Variants in CKLF observed in about 807,000 individuals in gnomAD.
CKLF encodes chemokine like factor.
In CKLF, 16 loss-of-function variants were observed where a neutral mutation model predicts 12.9. The ratio of observed to expected loss-of-function variants is 1.24; its 90% CI spans 0.84 to 1.88. CKLF has a LOEUF of 1.88. Ranked by LOEUF, CKLF falls within the 40% of genes most tolerant of loss-of-function variation. The probability of loss-of-function intolerance (pLI) is 0.00; values close to 1 mark genes in which losing one functional copy is unlikely to be tolerated. For synonymous variants in CKLF, 61 were observed against 69.0 expected (o/e 0.88, Z 0.57); for missense variants, 172 against 188.5 (o/e 0.91, Z 0.51).
chr16:66,555,006 C>T (rs1163665623), intron 1 of CKLF, among the ~76,000 whole-genome samples: 3 of 152,300 alleles, frequency 2.0e-5, no homozygotes, highest in South Asian at 2.1e-4. Context: ...GAGGCCAAGG[C>T]AGGCAGATCA....
chr16:66,564,079 C>A (rs1201785222), intron 3 of CKLF, among the ~76,000 whole-genome samples: 1 of 152,180 alleles, frequency 6.6e-6, no homozygotes. Context: ...GTATCAATTT[C>A]CCCCAGTTGT....
At chr16:66,558,795 C>T (rs1310398815) in intron 2 of CKLF, among the ~76,000 whole-genome samples, 1 of 152,080 alleles carries the variant, frequency 6.6e-6, no homozygotes, top group East Asian at 1.9e-4. Flanking sequence ...ATTGGGGAGG[C>T]TAAAGTACAA....
chr16:66,553,848 G>C (rs903864076), intron 1 of CKLF, among the ~76,000 whole-genome samples: 2 of 152,158 alleles, frequency 1.3e-5, no homozygotes, highest in African/African-American at 4.8e-5. Flanking sequence ...TGAGTGGGTT[G>C]AACAAAGTGC....
At chr16:66,557,923 A>G (rs2011511846) in intron 1 of CKLF, among the ~76,000 whole-genome samples, 1 of 152,172 alleles carries the variant, frequency 6.6e-6, no homozygotes, top group Non-Finnish European at 1.5e-5. Context: ...CATACACTTT[A>G]GGCATGGCTG....
At chr16:66,562,825 A>G (rs896885610) in intron 2 of CKLF, among the ~76,000 whole-genome samples, 5 of 152,062 alleles carry the variant, frequency 3.3e-5, no homozygotes, top group Admixed American at 6.5e-5. Context: ...GGTTCAAGCA[A>G]TTTTTGTGCC....
At chr16:66,562,026 G>A (rs1175736789) in intron 2 of CKLF, among the ~76,000 whole-genome samples, 1 of 152,088 alleles carries the variant, frequency 6.6e-6, no homozygotes, top group Admixed American at 6.5e-5. Context: ...AGAGATGTCT[G>A]TGGGGGTTTC....
At position 66,558,190 on chromosome 16, in the gene CKLF, G is replaced by C; in HGVS notation, c.79G>C (p.Ala27Pro). The change falls in exon 2 of 4, where the codon GCA becomes CCA. Residue 27 changes from alanine to proline, a missense_variant and splice_region_variant. Ala to Pro is a conservative substitution (Grantham distance 27). Transcript: ENST00000264001. ...TAAATCGTGGGTTTTTTTCTTCTAG[G>C]CACTAACTGTGACATCTATGACCTT... ...VKGHVKMLRL[A>P]LTVTSMTFFI... The C allele has an allele frequency of 6.2e-7, 1 of 1,608,250 alleles. No individual in the cohort carries two copies. The highest frequency in any genetic ancestry group is 1.1e-5 in the South Asian group (1 of 89,208).
In CKLF at chr16:66,558,230, A is replaced by G. The variant is rs1304491529; in HGVS notation, c.119A>G (p.Gln40Arg). Reference sequence around the variant, plus strand: ...TCTATGACCTTTTTTATCATCGCACAAGCCCCTGAACCATATATTGTTATC... The same window carrying G: ...TCTATGACCTTTTTTATCATCGCACGAGCCCCTGAACCATATATTGTTATC... ...VTSMTFFIIA[Q>R]APEPYIVITG... is the part of the protein sequence containing the mutation. The change falls in exon 2 of 4, where the codon CAA (glutamine) becomes CGA (arginine). Residue 40 changes from glutamine (Q) to arginine (R), a missense_variant. Physicochemically the swap from Gln to Arg is conservative, Grantham distance 43. Coordinates refer to ENST00000264001, the MANE Select transcript of CKLF (RefSeq NM_016951.4). 4 of 1,612,736 alleles carry G rather than the reference A, an allele frequency of 2.5e-6. No homozygotes were observed. Among genetic ancestry groups the G allele is most frequent in the Non-Finnish European group, 3.4e-6 (4 of 1,179,724 alleles).
intron 1 of CKLF, among the ~76,000 whole-genome samples, chr16:66,557,270 C>T (rs111468662): frequency 5.3e-5 from 8 of 152,106 alleles, no homozygotes; most frequent in South Asian, 2.1e-4. Flanking sequence ...TGGGTTCAAG[C>T]GATTCTCCTG....
At chr16:66,553,139 G>A (rs2011251184) in intron 1 of CKLF, among the ~76,000 whole-genome samples, 1 of 151,390 alleles carries the variant, frequency 6.6e-6, no homozygotes, top group African/African-American at 2.4e-5. Context: ...AAGCCTAGGC[G>A]ACAGAGAGGT....
rs551326909 is a variant in CKLF at position 66,564,770 on chromosome 16, G to A, written c.334-1116G>A. Among the ~76,000 whole-genome samples the A allele has an allele frequency of 4.7e-3, 720 of 152,210 alleles. 4 individuals are homozygous for A. Among genetic ancestry groups the A allele is most frequent in the Non-Finnish European group, 8.0e-3 (545 of 68,012 alleles). The stretch of plus-strand genomic sequence containing the variant: ...CAGGCGTGAGCCACCGCGCCCGGCC[G>A]ACTTTTTTCTTTACATTTATAATGT... On this transcript the variant is annotated intron_variant, in intron 3 of 3. Coordinates refer to ENST00000264001, the MANE Select transcript of CKLF (RefSeq NM_016951.4).
At chr16:66,566,127 T>G (rs758260480), downstream of CKLF, 4 of 1,608,736 alleles carry the variant, frequency 2.5e-6, no homozygotes, top group Non-Finnish European at 3.4e-6. The surrounding 1 kb of genome is among the most constrained non-coding windows in gnomAD (Gnocchi z 4.9). Flanking sequence ...ATTTCCGAAG[T>G]CTGCACCCCG....
rs1398713103 is a variant in CKLF, at chr16:66,565,946, C to A, written c.394C>A (p.Leu132Ile). ...LADGALIYRK[L>I]LFNPSGPYQK... ...CGACGGGGCCCTTATTTACCGGAAG[C>A]TTCTGTTCAATCCCAGCGGTCCTTA... Residue 132 changes from leucine to isoleucine, a missense_variant, in exon 4 of 4, where the codon CTT (leucine) becomes ATT (isoleucine). Physicochemically the swap from Leu to Ile is conservative, Grantham distance 5. Transcript: ENST00000264001. The A allele has an allele frequency of 1.2e-6, 2 of 1,613,892 alleles. No individual in the cohort carries two copies. The highest frequency in any genetic ancestry group is 4.5e-5 in the East Asian group (2 of 44,876).
chr16:66,558,625 TA>T, intron 2 of CKLF: 1 of 286,678 alleles, frequency 3.5e-6, no homozygotes. Flanking sequence ...TAAAGAAATT[TA>T]AATTTAGGAC....
In CKLF at chr16:66,564,722, G is replaced by A. The variant is rs1428649563; in HGVS notation, c.334-1164G>A. Among the ~76,000 whole-genome samples the A allele has an allele frequency of 2.6e-5, 4 of 152,110 alleles. No individual in the cohort carries two copies. In the East Asian group the frequency reaches 5.8e-4, roughly 22 times the overall value. On this transcript the variant is annotated intron_variant, in intron 3 of 3. Transcript: ENST00000264001. ...TCCGACGTCGTGATCCGCCTGCCTCGGTCTCCCAAAGTGCTGGGATTACAG... is the reference window on the plus strand; with the variant it reads ...TCCGACGTCGTGATCCGCCTGCCTCAGTCTCCCAAAGTGCTGGGATTACAG...
At chr16:66,558,129 T>A in intron 1 of CKLF, 61 bp from the exon 2 acceptor site, 1 of 1,585,774 alleles carries the variant, frequency 6.3e-7, no homozygotes, top group East Asian at 2.2e-5. Context: ...AAATTGTCAT[T>A]TTTACAGTTT....
At chr16:66,556,032 G>A (rs565052493) in intron 1 of CKLF, among the ~76,000 whole-genome samples, 2 of 152,276 alleles carry the variant, frequency 1.3e-5, no homozygotes, top group South Asian at 2.1e-4. Context: ...TATCCAGATA[G>A]GGATTCTAAA....
At chr16:66,559,292 C>G (rs1422778806) in intron 2 of CKLF, among the ~76,000 whole-genome samples, 1 of 152,224 alleles carries the variant, frequency 6.6e-6, no homozygotes, top group African/African-American at 2.4e-5. Flanking sequence ...GAACCACCTT[C>G]AAGGCCAGTG....
Position 66,552,727 on chromosome 16 carries a change from GCAGCCGAAAATAAAACATCGCCCCTT to G in CKLF, c.14_39del (p.Gln5LeufsTer30), listed in dbSNP as rs754962416. On this transcript the variant is annotated frameshift_variant, in exon 1 of 4. Transcript: ENST00000264001. LOFTEE classifies it high-confidence loss of function. ...GGTCTGCAGACGCGATGGATAACGT[GCAGCCGAAAATAAAACATCGCCCCTT>G]CTGCTTCAGTGTGAAAGGCCACGTG... 1 of 1,614,180 alleles carries G rather than the reference GCAGCCGAAAATAAAACATCGCCCCTT, an allele frequency of 6.2e-7. No individual in the cohort carries two copies. Among genetic ancestry groups the G allele is most frequent in the African/African-American group, 1.3e-5 (1 of 75,074 alleles).
Sources: gnomAD v4.1 joint callset for allele counts (sites outside exome capture counted in the v4.1 genomes callset) on GRCh38, gnomAD v4.1.1 for gene constraint, Gnocchi (gnomAD v3.1) non-coding constraint, MANE v1.5 for transcripts, NCBI Gene and HGNC (gene_info 2026-07-23, HGNC 2026-07-21) for gene names.